Variants in DPP6 observed in about 807,000 individuals in gnomAD.
The protein encoded by DPP6 is dipeptidyl peptidase like 6, also known as A-type potassium channel modulatory protein DPP6.
In DPP6, 69 loss-of-function variants were observed where a neutral mutation model predicts 122.6. The observed-to-expected ratio is 0.56, with a 90% CI of 0.46 to 0.69. The LOEUF (loss-of-function observed/expected upper bound fraction) is 0.69, where lower values mean the gene tolerates loss of function less well. Ranked by LOEUF, DPP6 falls within the 30% of genes least tolerant of loss-of-function variation. DPP6 has a pLI of 0.00. For missense variants in DPP6, 928 were observed against 1,116.9 expected, an observed-to-expected ratio of 0.83 and a Z score of 2.41; for synonymous variants, 418 against 433.1, an observed-to-expected ratio of 0.97 and a Z score of 0.43.
rs186760882 is a variant in DPP6, at chr7:154,014,901, C to T, written c.51+127167C>T. ...TCAAACCATCTAATTCTTAATCTCA[C>T]GGCACCTGCTTGATAATGATGGATA... On this transcript the variant is annotated intron_variant, in intron 1 of 25. Transcript: ENST00000404039. Among the ~76,000 whole-genome samples, 811 of 152,076 alleles carry T rather than the reference C, an allele frequency of 5.3e-3. 6 individuals are homozygous for T. Among genetic ancestry groups the T allele is most frequent in the African/African-American group, 0.018 (764 of 41,482 alleles).
intron 5 of DPP6, among the ~76,000 whole-genome samples, chr7:154,569,343 C>T (rs963693862): frequency 2.0e-5 from 3 of 151,920 alleles, no homozygotes; most frequent in African/African-American, 7.3e-5. Context: ...AAAATATTAT[C>T]CATTGGTATT....
intron 1 of DPP6, among the ~76,000 whole-genome samples, chr7:154,156,877 T>C (rs1168821650): frequency 6.6e-6 from 1 of 152,292 alleles, no homozygotes; most frequent in Non-Finnish European, 1.5e-5. Context: ...AATAAATTTG[T>C]TCCTATGGGA....
chr7:154,185,898 A>C (rs964242711), intron 1 of DPP6, among the ~76,000 whole-genome samples: 7 of 152,234 alleles, frequency 4.6e-5, no homozygotes, highest in Admixed American at 6.5e-5. Context: ...TTTCCAAATT[A>C]AAGCATGTGT....
intron 1 of DPP6, among the ~76,000 whole-genome samples, chr7:154,295,631 C>T (rs1447053516): frequency 6.6e-6 from 1 of 152,066 alleles, no homozygotes; most frequent in Non-Finnish European, 1.5e-5. Context: ...CCTTCCTTCA[C>T]TTCCTTTTTC....
At chr7:154,584,117 CTG>C (rs748219226) in intron 5 of DPP6, among the ~76,000 whole-genome samples, 24 of 152,254 alleles carry the variant, frequency 1.6e-4, no homozygotes, top group Non-Finnish European at 3.5e-4. Flanking sequence ...CTTCTTCAAT[CTG>C]TGCTGGCCAC....
intron 1 of DPP6, among the ~76,000 whole-genome samples, chr7:153,914,873 T>G (rs944209974): frequency 5.3e-5 from 8 of 152,224 alleles, no homozygotes; most frequent in Admixed American, 3.3e-4. Context: ...TTTTTGTCTA[T>G]GCTGTGGGGC....
At chr7:154,545,497 A>ATCCTTCCTTCCTTCCTTCCTTCCATCCT (rs1829110724) in intron 4 of DPP6, among the ~76,000 whole-genome samples, 3 of 122,088 alleles carry the variant, frequency 2.5e-5, no homozygotes, top group African/African-American at 1.0e-4. Flanking sequence ...CCTTCCTTCC[A>ATCCTTCCTTCCTTCCTTCCTTCCATCCT]TCCTTCCTTC....
intron 7 of DPP6, among the ~76,000 whole-genome samples, chr7:154,690,115 G>A (rs1380961311): frequency 6.6e-6 from 1 of 152,210 alleles, no homozygotes; most frequent in East Asian, 1.9e-4. Flanking sequence ...CTTGCTTATT[G>A]GATAGTCATC....
rs544410305 is a variant in DPP6 at position 154,836,178 on chromosome 7, C to T, written c.1667-17602C>T. 1.1e-4 allele frequency among the ~76,000 whole-genome samples: 16 copies of T among 152,340 alleles called. No individual in the cohort carries two copies. In the East Asian group the frequency reaches 1.7e-3, roughly 17 times the overall value. On this transcript the variant is annotated intron_variant, in intron 16 of 25. Coordinates refer to ENST00000377770, the MANE Select transcript of DPP6 (RefSeq NM_130797.4). Reference sequence around the variant, plus strand: ...TGCTGCCTGCCTGCCCGCCGCCTGCCGCCCGGCTTTCAGAAGCATCTCTGG... The same window carrying T: ...TGCTGCCTGCCTGCCCGCCGCCTGCTGCCCGGCTTTCAGAAGCATCTCTGG...
the DPP6 span, among the ~76,000 whole-genome samples, chr7:153,825,979 T>C: frequency 1.3e-5 from 2 of 152,190 alleles, no homozygotes; most frequent in Non-Finnish European, 2.9e-5. Context: ...ACCTTGATAA[T>C]ATGTGTAAAT....
chr7:154,087,260 T>C (rs28754728), intron 1 of DPP6, among the ~76,000 whole-genome samples: 33,326 of 150,574 alleles, frequency 0.22, 4,211 homozygotes, highest in African/African-American at 0.35. Flanking sequence ...GAGATGAAGC[T>C]GAGCAGGTGT....
intron 5 of DPP6, among the ~76,000 whole-genome samples, chr7:154,595,033 G>A (rs949563324): frequency 1.3e-5 from 2 of 151,380 alleles, no homozygotes; most frequent in African/African-American, 2.4e-5. Context: ...TGGCATTGAC[G>A]TTAAGATTTT....
At chr7:153,924,112 T>C (rs919451221) in intron 1 of DPP6, among the ~76,000 whole-genome samples, 2 of 151,244 alleles carry the variant, frequency 1.3e-5, no homozygotes, top group Non-Finnish European at 2.9e-5. Flanking sequence ...ATGTGTATTA[T>C]TGAGGATTTT....
At chr7:154,333,918 C>A (rs1192052987) in intron 1 of DPP6, among the ~76,000 whole-genome samples, 1 of 152,132 alleles carries the variant, frequency 6.6e-6, no homozygotes, top group Non-Finnish European at 1.5e-5. Flanking sequence ...GTAACCCAAT[C>A]CAAATTACTT....
chr7:154,653,954 C>T (rs1320767122), intron 6 of DPP6, among the ~76,000 whole-genome samples: 2 of 136,306 alleles, frequency 1.5e-5, no homozygotes, highest in Non-Finnish European at 3.2e-5. Context: ...TTCAAGCAAC[C>T]TCCCTCAGGT....
At chr7:153,813,558 G>A in the DPP6 span, among the ~76,000 whole-genome samples, 3 of 152,062 alleles carry the variant, frequency 2.0e-5, no homozygotes, top group South Asian at 6.3e-4. Context: ...GGATGGCTGG[G>A]TCAAATGGTA....
intron 1 of DPP6, among the ~76,000 whole-genome samples, chr7:153,960,648 T>C (rs1043231828): frequency 2.4e-5 from 3 of 122,834 alleles, no homozygotes; most frequent in Non-Finnish European, 5.3e-5. Context: ...TGCACGTGTG[T>C]GTGTGCATGT....
chr7:154,264,364 G>T (rs1204479408), intron 1 of DPP6, among the ~76,000 whole-genome samples: 1 of 152,060 alleles, frequency 6.6e-6, no homozygotes, highest in African/African-American at 2.4e-5. Context: ...AGAGTTATTT[G>T]GTGTCACATA....
chr7:154,484,607 C>G (rs1214348753), intron 3 of DPP6, among the ~76,000 whole-genome samples: 5 of 152,222 alleles, frequency 3.3e-5, no homozygotes, highest in African/African-American at 1.2e-4. Flanking sequence ...CCATCCGGCT[C>G]CTGCCTCCTC....
Sources: gnomAD v4.1 joint callset for allele counts (sites outside exome capture counted in the v4.1 genomes callset) on GRCh38, gnomAD v4.1.1 for gene constraint, MANE v1.5 for transcripts, NCBI Gene and HGNC (gene_info 2026-07-23, HGNC 2026-07-21) for gene names.